WASHC5: variants seen among roughly 807,000 people sequenced by gnomAD.
WASHC5 encodes WASH complex subunit strumpellin.
In WASHC5, 101 loss-of-function variants were observed where a neutral mutation model predicts 150.4. The observed-to-expected ratio is 0.67, with a 90% CI of 0.57 to 0.79. The LOEUF (loss-of-function observed/expected upper bound fraction) is 0.79. WASHC5 is among the 30% of genes least tolerant of loss of function. The probability of loss-of-function intolerance (pLI) is 0.00; values close to 1 mark genes in which losing one functional copy is unlikely to be tolerated. For missense variants in WASHC5, 1,195 were observed against 1,396.3 expected (o/e 0.86, Z 2.30); for synonymous variants, 467 against 491.2 (o/e 0.95, Z 0.65).
At position 125,043,109 on chromosome 8, in the gene WASHC5, C is replaced by T. The variant is rs77646869; in HGVS notation, c.2850+716G>A. On this transcript the variant is annotated intron_variant, in intron 23 of 28. Transcript: ENST00000318410. Reference sequence around the variant, plus strand: ...TAGATTGTGAGTTAGCTAAGGAGACCGGTCATGTTTCATTTAACTCTGTCT... The same window carrying T: ...TAGATTGTGAGTTAGCTAAGGAGACTGGTCATGTTTCATTTAACTCTGTCT... 9.4e-3 allele frequency among the ~76,000 whole-genome samples: 1,435 copies of T among 152,232 alleles called. 11 individuals are homozygous for T. Among genetic ancestry groups the T allele is most frequent in the Admixed American group, 0.016 (242 of 15,288 alleles).
intron 17 of WASHC5, among the ~76,000 whole-genome samples, chr8:125,052,472 C>T (rs1816267088): frequency 6.8e-6 from 1 of 147,640 alleles, no homozygotes; most frequent in African/African-American, 2.7e-5. Flanking sequence ...ACATAAATAT[C>T]CATCCTTACA....
At position 125,063,601 on chromosome 8, in the gene WASHC5, C is replaced by A. The variant is rs1369996388; in HGVS notation, c.1329G>T (p.Lys443Asn). The A allele has an allele frequency of 6.2e-7, 1 of 1,613,958 alleles. No individual in the cohort carries two copies. The highest frequency in any genetic ancestry group is 1.1e-5 in the South Asian group (1 of 91,070). Residue 443 changes from lysine (K) to asparagine (N), a missense_variant, in exon 11 of 29, where the codon AAG becomes AAT. Coordinates refer to ENST00000318410, the MANE Select transcript of WASHC5 (RefSeq NM_014846.4). Reference protein sequence around the residue: ...SEKQTKWEHYKKEGSERMTEL... With the variant: ...SEKQTKWEHYNKEGSERMTEL... ...CAGTCATCCGCTCCGAACCCTCTTT[C>A]TTGTAATGCTCCCATTTGGTTTGCT...
intron 12 of WASHC5, among the ~76,000 whole-genome samples, chr8:125,060,485 C>CAAAAAACAA (rs1816561687): frequency 7.7e-6 from 1 of 130,178 alleles, no homozygotes. Flanking sequence ...GATTCCGTCT[C>CAAAAAACAA]AAAAAAAAAA....
At chr8:125,088,445 G>T (rs577796697) in intron 1 of WASHC5, among the ~76,000 whole-genome samples, 1 of 150,302 alleles carries the variant, frequency 6.7e-6, no homozygotes, top group East Asian at 1.9e-4. Context: ...AAGGGGGAGG[G>T]GGGGAAGGAA....
chr8:125,028,835 C>G (rs1815445421), intron 27 of WASHC5, 128 bp from the exon 28 acceptor site: 2 of 706,386 alleles, frequency 2.8e-6, no homozygotes, highest in Non-Finnish European at 5.1e-6. Flanking sequence ...AAACATTGAG[C>G]ATGCTCTTAA....
At chr8:125,032,483 G>A in intron 26 of WASHC5, 89 bp from the exon 27 acceptor site, 1 of 1,422,058 alleles carries the variant, frequency 7.0e-7, no homozygotes, top group Non-Finnish European at 9.9e-7. Context: ...CAAAATGTTT[G>A]GGGCCCATAT....
In WASHC5 at chr8:125,081,752, G is replaced by C; in HGVS notation, c.427C>G (p.Leu143Val). 1 of 1,602,748 alleles carries C rather than the reference G, an allele frequency of 6.2e-7. No individual in the cohort carries two copies. Among genetic ancestry groups the C allele is most frequent in the Non-Finnish European group, 8.5e-7 (1 of 1,169,906 alleles). ...AGTAGCATAACTCCATATAAGTACA[G>C]TGCTTCACACTAAGAAGAGAAGAGG... is the stretch of plus-strand genomic sequence containing the variant. ...EDGKQLLCEA[L>V]YLYGVMLLVI... The change falls in exon 5 of 29, where the codon CTG becomes GTG. Residue 143 changes from leucine to valine, a missense_variant. Leu to Val is a conservative substitution (Grantham distance 32). Coordinates refer to ENST00000318410, the MANE Select transcript of WASHC5 (RefSeq NM_014846.4).
At chr8:125,076,744 TAAAAAAAAAAAAAAA>T (rs59580091) in intron 6 of WASHC5, among the ~76,000 whole-genome samples, 4 of 132,274 alleles carry the variant, frequency 3.0e-5, no homozygotes, top group African/African-American at 1.3e-4. Flanking sequence ...AGTCTTTTCT[TAAAAAAAAAAAAAAA>T]AAGTCCCATT....
chr8:125,071,245 G>A (rs1816887826), intron 9 of WASHC5, among the ~76,000 whole-genome samples: 1 of 152,214 alleles, frequency 6.6e-6, no homozygotes, highest in South Asian at 2.1e-4. Flanking sequence ...TGTTGATCCA[G>A]CATTTACGAA....
rs544404117 is a variant in WASHC5 at position 125,082,757 on chromosome 8, G to A, written c.333-290C>T. On this transcript the variant is annotated intron_variant, in intron 3 of 28. Transcript: ENST00000318410. ...TGGAATATCTAGTCTAAAAGTTAAT[G>A]AGTAATGAATTCTTAAGAAGTGTAT... 54 of 395,662 alleles carry A rather than the reference G, an allele frequency of 1.4e-4. No homozygotes were observed. In the East Asian group the frequency reaches 2.5e-3, roughly 18 times the overall value. 24.5% of individuals were successfully genotyped at this position (395,662 alleles called of 1,614,324 possible).
At chr8:125,040,181 T>C (rs991251777) in intron 23 of WASHC5, among the ~76,000 whole-genome samples, 1 of 152,190 alleles carries the variant, frequency 6.6e-6, no homozygotes, top group African/African-American at 2.4e-5. Flanking sequence ...CAGTTGTTCA[T>C]GTATCAAAGA....
At chr8:125,028,530 T>C in intron 28 of WASHC5, 90 bp downstream of exon 28, 1 of 885,868 alleles carries the variant, frequency 1.1e-6, no homozygotes, top group Non-Finnish European at 1.9e-6. Flanking sequence ...GTGAACGACC[T>C]ATTGGGCTTC....
Position 125,083,074 on chromosome 8 carries a change from T to C in WASHC5, c.332+39A>G, listed in dbSNP as rs1297368524. 2.3e-6 allele frequency: 3 copies of C among 1,321,206 alleles called. No individual in the cohort carries two copies. In the African/African-American group the frequency reaches 4.4e-5, roughly 19 times the overall value. 81.8% of individuals were successfully genotyped at this position (1,321,206 alleles called of 1,614,324 possible). On this transcript the variant is annotated intron_variant, in intron 3 of 28. Transcript: ENST00000318410. ...TATGTGTCCTTTTCCCTCTCCACTA[T>C]TTACTACCAGAATAAGCTATTCCTA...
chr8:125,063,113 G>A (rs1266525502), intron 11 of WASHC5, among the ~76,000 whole-genome samples: 4 of 151,984 alleles, frequency 2.6e-5, no homozygotes, highest in South Asian at 2.1e-4. Flanking sequence ...CTTGGGTGAC[G>A]TATTCTTCTT....
chr8:125,078,925 G>C lies in WASHC5; in HGVS notation c.524C>G (p.Ala175Gly), dbSNP rs760924345. ...MLVSYYRYSA[A>G]RSSADSNMDD... ...CATATTTGAATCAGCAGAAGATCGA[G>C]CAGCACTGAGTCATATTCACAATGG... The change falls in exon 6 of 29, where the codon GCT (alanine) becomes GGT (glycine). Residue 175 changes from alanine (A) to glycine (G), a missense_variant. Physicochemically the swap from Ala to Gly is moderately conservative, Grantham distance 60. Around this residue, in one of 3 missense-constraint regions of WASHC5, gnomAD observed 195 missense variants for 206.9 expected, o/e 0.94. Transcript: ENST00000318410. 1.2e-5 allele frequency: 19 copies of C among 1,613,248 alleles called. No individual in the cohort carries two copies. Among genetic ancestry groups the C allele is most frequent in the Non-Finnish European group, 1.0e-5 (12 of 1,179,602 alleles).
intron 28 of WASHC5, 83 bp downstream of exon 28, chr8:125,028,537 C>T: frequency 2.1e-6 from 2 of 974,052 alleles, no homozygotes; most frequent in Non-Finnish European, 3.3e-6. Flanking sequence ...ACCTATTGGG[C>T]TTCACTCCTG....
chr8:125,029,625 T>A (rs533560979), intron 27 of WASHC5, among the ~76,000 whole-genome samples: 1 of 152,356 alleles, frequency 6.6e-6, no homozygotes, highest in South Asian at 2.1e-4. Flanking sequence ...TATGGGATTT[T>A]ACTCATGTAT....
Position 125,073,435 on chromosome 8 carries a change from A to G in WASHC5, c.979-111T>C, listed in dbSNP as rs990903395. 13 of 916,712 alleles carry G rather than the reference A, an allele frequency of 1.4e-5. No individual in the cohort carries two copies. The South Asian group carries it at 1.8e-4, about 13-fold the overall frequency. The allele number at this position is 916,712 out of a possible 1,614,324, so 56.8% of individuals were successfully genotyped here. On this transcript the variant is annotated intron_variant, in intron 8 of 28. Coordinates refer to ENST00000318410, the MANE Select transcript of WASHC5 (RefSeq NM_014846.4). ...GTAACATTTCTATATAGGATGAATG[A>G]CATATGGATTACAGTTATAGGGCTC...
At position 125,057,569 on chromosome 8, in the gene WASHC5, G is replaced by T; in HGVS notation, c.1862C>A (p.Ser621Tyr). Residue 621 changes from serine (S) to tyrosine (Y), a missense_variant, in exon 15 of 29, where the codon TCC becomes TAC. Around this residue, in one of 3 missense-constraint regions of WASHC5, gnomAD observed 997 missense variants for 1,168.1 expected, o/e 0.85. Transcript: ENST00000318410. ...TGCATTTCTTACTTTTCTCACATAG[G>T]ATACCAACTCTCCAGAATAGTACTG... ...VSQYYSGELV[S>Y]YVRKVLQIIP... is the part of the protein sequence containing the mutation. 6.2e-7 allele frequency: 1 copy of T among 1,605,210 alleles called. No homozygotes were observed. The highest frequency in any genetic ancestry group is 8.5e-7 in the Non-Finnish European group (1 of 1,172,278).
Sources: allele counts gnomAD v4.1 joint callset (sites outside exome capture counted in the v4.1 genomes callset), GRCh38; gene constraint gnomAD v4.1.1; regional missense constraint gnomAD v4.1.1; transcripts MANE v1.5; gene names NCBI Gene and HGNC (gene_info 2026-07-23, HGNC 2026-07-21).